Variants in HIVEP3 observed in about 807,000 individuals in gnomAD.
HIVEP3 encodes the protein HIVEP zinc finger 3, also known as transcription factor HIVEP3.
A neutral mutation model predicts 152.8 loss-of-function variants in HIVEP3; 49 were observed. The ratio of observed to expected loss-of-function variants is 0.32; its 90% CI spans 0.26 to 0.41. HIVEP3 has a LOEUF of 0.41. Ranked by LOEUF, HIVEP3 falls within the 10% of genes least tolerant of loss-of-function variation. HIVEP3 has a pLI of 1.00. For synonymous variants in HIVEP3, 1,269 were observed against 1,289.0 expected, an observed-to-expected ratio of 0.98 and a Z score of 0.33; for missense variants, 2,790 against 3,103.3, an observed-to-expected ratio of 0.90 and a Z score of 2.40.
intron 3 of HIVEP3, 110 bp downstream of exon 3, chr1:41,628,639 A>T: frequency 1.2e-6 from 1 of 869,078 alleles, no homozygotes; most frequent in Admixed American, 4.3e-5. Context: ...CAACGATAAC[A>T]CTAATAATAA....
intron 1 of HIVEP3, among the ~76,000 whole-genome samples, chr1:41,802,012 C>A (rs1303090740): frequency 2.6e-5 from 4 of 152,156 alleles, no homozygotes; most frequent in African/African-American, 9.7e-5. Flanking sequence ...GGGAGAGAAG[C>A]AAGGTGTCCA....
intron 1 of HIVEP3, among the ~76,000 whole-genome samples, chr1:41,966,725 C>T (rs995660850): frequency 4.4e-4 from 66 of 151,676 alleles, no homozygotes; most frequent in African/African-American, 1.6e-3. Context: ...TCGTGATCCA[C>T]CCTCCTAAGC....
At chr1:41,914,010 G>A (rs762033847) in intron 1 of HIVEP3, among the ~76,000 whole-genome samples, 6 of 152,014 alleles carry the variant, frequency 3.9e-5, no homozygotes, top group African/African-American at 4.8e-5. Flanking sequence ...AATCTGAAAG[G>A]CATTTTCAGA....
chr1:41,652,426 C>T (rs1327554979), intron 2 of HIVEP3, among the ~76,000 whole-genome samples: 1 of 152,092 alleles, frequency 6.6e-6, no homozygotes, highest in African/African-American at 2.4e-5. Flanking sequence ...CCCTGATATG[C>T]CTGGGGACGT....
intron 2 of HIVEP3, among the ~76,000 whole-genome samples, chr1:41,689,211 T>C (rs902839373): frequency 6.6e-6 from 1 of 152,248 alleles, no homozygotes; most frequent in Admixed American, 6.5e-5. Context: ...AGTGGTTCTC[T>C]CTCTACCCTT....
chr1:41,992,225 G>A (rs1388138547), intron 1 of HIVEP3, among the ~76,000 whole-genome samples: 1 of 152,016 alleles, frequency 6.6e-6, no homozygotes, highest in Non-Finnish European at 1.5e-5. Context: ...CTTTGCAGAT[G>A]ACATGATTGT....
chr1:41,719,624 G>A (rs1646647980), intron 1 of HIVEP3, among the ~76,000 whole-genome samples: 1 of 152,186 alleles, frequency 6.6e-6, no homozygotes, highest in African/African-American at 2.4e-5. Context: ...TCCCCACCAT[G>A]AAGTCTTAGG....
At chr1:41,944,940 T>C (rs1195379712) in intron 1 of HIVEP3, among the ~76,000 whole-genome samples, 1 of 152,146 alleles carries the variant, frequency 6.6e-6, no homozygotes, top group African/African-American at 2.4e-5. Context: ...AAACGATTTA[T>C]ATTCCTCTGC....
rs908444108 is a variant in HIVEP3 at position 41,519,909 on chromosome 1, CAG to C, written c.5384-1423_5384-1422del. Among the ~76,000 whole-genome samples the C allele has an allele frequency of 7.4e-4, 112 of 151,780 alleles. 1 individual carries two copies. The highest frequency in any genetic ancestry group is 2.6e-3 in the African/African-American group (109 of 41,238). Reference sequence around the variant, plus strand: ...GATGATGGAGAGCTGGATGGGAGGACAGAGACGTGGATGAATGGAAGAATGGA... The same window carrying C: ...GATGATGGAGAGCTGGATGGGAGGACAGACGTGGATGAATGGAAGAATGGA... On this transcript the variant is annotated intron_variant, in intron 6 of 8. Transcript: ENST00000372583.
chr1:41,875,155 C>T (rs1644147554), intron 1 of HIVEP3, among the ~76,000 whole-genome samples: 1 of 152,266 alleles, frequency 6.6e-6, no homozygotes, highest in South Asian at 2.1e-4. Context: ...GCCTGCAATG[C>T]AGCGCCTTCC....
At chr1:41,732,814 C>G (rs710240) in intron 1 of HIVEP3, among the ~76,000 whole-genome samples, 47,788 of 151,974 alleles carry the variant, frequency 0.31, 7,985 homozygotes, top group South Asian at 0.47. Flanking sequence ...CAGAGACTCT[C>G]TTCTCCAGAG....
At chr1:41,947,724 C>T (rs764721807) in intron 1 of HIVEP3, among the ~76,000 whole-genome samples, 8 of 152,152 alleles carry the variant, frequency 5.3e-5, no homozygotes, top group Admixed American at 3.3e-4. Context: ...TACACAGGTC[C>T]GAGGGACGAG....
chr1:41,963,251 T>A (rs2124498885), intron 1 of HIVEP3, among the ~76,000 whole-genome samples: 1 of 152,284 alleles, frequency 6.6e-6, no homozygotes, highest in Non-Finnish European at 1.5e-5. Flanking sequence ...GACCTCGTGA[T>A]CCGCCTGCCT....
chr1:41,709,574 G>C (rs916044600), intron 1 of HIVEP3, among the ~76,000 whole-genome samples: 3 of 152,234 alleles, frequency 2.0e-5, no homozygotes, highest in East Asian at 1.9e-4. Flanking sequence ...CCTATAGCTT[G>C]AGGACATGGA....
At chr1:41,800,535 G>A (rs1650241659) in intron 1 of HIVEP3, among the ~76,000 whole-genome samples, 1 of 152,252 alleles carries the variant, frequency 6.6e-6, no homozygotes, top group Non-Finnish European at 1.5e-5. Flanking sequence ...GCAGCTGCAG[G>A]AGTGAGCCCA....
chr1:41,712,837 C>A (rs949566987), intron 1 of HIVEP3, among the ~76,000 whole-genome samples: 1 of 152,236 alleles, frequency 6.6e-6, no homozygotes, highest in Non-Finnish European at 1.5e-5. Context: ...GAGGCCAAAG[C>A]CACCAGGCCT....
chr1:41,941,038 T>C (rs1410920839), intron 1 of HIVEP3, among the ~76,000 whole-genome samples: 1 of 152,170 alleles, frequency 6.6e-6, no homozygotes, highest in Non-Finnish European at 1.5e-5. Flanking sequence ...TTGCTGAAAG[T>C]ATCTATTGGA....
At chr1:41,822,051 G>C (rs2124343386) in intron 1 of HIVEP3, among the ~76,000 whole-genome samples, 1 of 152,318 alleles carries the variant, frequency 6.6e-6, no homozygotes, top group South Asian at 2.1e-4. Flanking sequence ...TGTGGGTTAG[G>C]AATTAATGTA....
At chr1:41,600,906 T>C (rs771034009) in intron 3 of HIVEP3, among the ~76,000 whole-genome samples, 4 of 152,204 alleles carry the variant, frequency 2.6e-5, no homozygotes, top group Non-Finnish European at 5.9e-5. Flanking sequence ...TTGATCTTTA[T>C]GTACGGTGAT....
Sources: allele counts gnomAD v4.1 joint callset (sites outside exome capture counted in the v4.1 genomes callset), GRCh38; gene constraint gnomAD v4.1.1; transcripts MANE v1.5; gene names NCBI Gene and HGNC (gene_info 2026-07-23, HGNC 2026-07-21).